The following NEGR1 variants were observed in gnomAD, a reference collection of about 807,000 sequenced individuals.
NEGR1 encodes the protein IgLON family member 4.
In NEGR1, 10 loss-of-function variants were observed where a neutral mutation model predicts 40.9. The observed-to-expected ratio is 0.24, with a 90% CI of 0.15 to 0.42. The LOEUF (loss-of-function observed/expected upper bound fraction) is 0.42. Among genes scored for constraint, NEGR1 ranks in the 10% least tolerant of loss-of-function variants. NEGR1 has a pLI of 1.00. For synonymous variants in NEGR1, 185 were observed against 166.8 expected (o/e 1.11, Z -0.84); for missense variants, 352 against 438.9 (o/e 0.80, Z 1.77).
chr1:72,016,985 G>A (rs949180309), intron 1 of NEGR1, among the ~76,000 whole-genome samples: 2 of 152,108 alleles, frequency 1.3e-5, no homozygotes. Context: ...TTATAAGAAT[G>A]ACTATAACCC....
chr1:71,526,254 T>C (rs1042803202), intron 6 of NEGR1, among the ~76,000 whole-genome samples: 18 of 151,434 alleles, frequency 1.2e-4, no homozygotes, highest in African/African-American at 4.4e-4. Flanking sequence ...ACTCTAACAA[T>C]CAGAGAATAA....
chr1:71,771,699 CA>C (rs60830449), intron 3 of NEGR1, among the ~76,000 whole-genome samples: 404 of 12,056 alleles, frequency 0.034, 1 homozygote, highest in African/African-American at 0.065. Flanking sequence ...GACTTAGTCT[CA>C]AAAAAAAAAA....
intron 1 of NEGR1, among the ~76,000 whole-genome samples, chr1:72,087,880 C>T (rs1404133729): frequency 2.6e-5 from 4 of 151,318 alleles, no homozygotes; most frequent in African/African-American, 9.7e-5. Context: ...AGGTCTGAGT[C>T]ACTGCACCCT....
Position 72,027,073 on chromosome 1 carries a change from C to T in NEGR1, c.177-91762G>A, listed in dbSNP as rs139375678. Among the ~76,000 whole-genome samples the T allele has an allele frequency of 3.6e-3, 544 of 152,170 alleles. 9 individuals carry two copies. The highest frequency in any genetic ancestry group is 0.013 in the African/African-American group (520 of 41,514). ...CCAGAGCAGGTGGGACTACAGGTGC[C>T]GGTCACCACGCCTGGCCAATGTTTT... On this transcript the variant is annotated intron_variant, in intron 1 of 6. Coordinates refer to ENST00000357731, the MANE Select transcript of NEGR1 (RefSeq NM_173808.3).
intron 6 of NEGR1, among the ~76,000 whole-genome samples, chr1:71,494,693 C>T (rs937003759): frequency 3.9e-5 from 6 of 152,174 alleles, no homozygotes; most frequent in African/African-American, 9.6e-5. Flanking sequence ...AAGTGAGGAC[C>T]GTCTTGTGGG....
At chr1:72,093,989 A>G (rs1029337202) in intron 1 of NEGR1, among the ~76,000 whole-genome samples, 1 of 152,184 alleles carries the variant, frequency 6.6e-6, no homozygotes, top group Admixed American at 6.6e-5. Flanking sequence ...TTAATGGTCA[A>G]TAATAATAAG....
At chr1:71,781,470 T>A (rs76807503) in intron 2 of NEGR1, among the ~76,000 whole-genome samples, 1 of 152,308 alleles carries the variant, frequency 6.6e-6, no homozygotes, top group Non-Finnish European at 1.5e-5. Context: ...ATCAATTAAA[T>A]GCCCCATCGA....
chr1:71,956,370 A>T (rs1305245503), intron 1 of NEGR1, among the ~76,000 whole-genome samples: 5 of 152,138 alleles, frequency 3.3e-5, no homozygotes, highest in African/African-American at 9.6e-5. Flanking sequence ...AGGAAATTTT[A>T]AAAAATCATC....
At chr1:71,413,882 T>A (rs2101266553) in intron 6 of NEGR1, among the ~76,000 whole-genome samples, 1 of 152,322 alleles carries the variant, frequency 6.6e-6, no homozygotes, top group African/African-American at 2.4e-5. Context: ...CAGTTTTCCC[T>A]TGTATTGCTC....
At chr1:72,236,096 T>C (rs781100855) in intron 1 of NEGR1, among the ~76,000 whole-genome samples, 2 of 152,248 alleles carry the variant, frequency 1.3e-5, no homozygotes, top group Admixed American at 6.6e-5. Context: ...TGGAATACTA[T>C]GCAGCCATAA....
rs552311879 is a variant in NEGR1 at position 71,771,592 on chromosome 1, C to T, written c.535+4580G>A. Reference sequence around the variant, plus strand: ...GCGCATGCCTGTAATCCCAGCTACCCGGAGGCTGAGACAGGAGAATCGTTT... The same window carrying T: ...GCGCATGCCTGTAATCCCAGCTACCTGGAGGCTGAGACAGGAGAATCGTTT... On this transcript the variant is annotated intron_variant, in intron 3 of 6. Coordinates refer to ENST00000357731, the MANE Select transcript of NEGR1 (RefSeq NM_173808.3). Among the ~76,000 whole-genome samples the T allele has an allele frequency of 1.7e-3, 246 of 145,922 alleles. 1 individual carries two copies. Among genetic ancestry groups the T allele is most frequent in the Admixed American group, 3.9e-3 (55 of 13,926 alleles).
At chr1:72,154,159 G>A (rs568320363) in intron 1 of NEGR1, among the ~76,000 whole-genome samples, 1 of 151,844 alleles carries the variant, frequency 6.6e-6, no homozygotes, top group Non-Finnish European at 1.5e-5. Flanking sequence ...TTTGGCAAGA[G>A]ATGAGCATGT....
intron 4 of NEGR1, among the ~76,000 whole-genome samples, chr1:71,634,152 T>A (rs961558667): frequency 6.6e-6 from 1 of 152,058 alleles, no homozygotes; most frequent in Non-Finnish European, 1.5e-5. Flanking sequence ...CACGTGGGAT[T>A]TTTCACACTA....
At chr1:71,991,423 G>A (rs547302739) in intron 1 of NEGR1, among the ~76,000 whole-genome samples, 130 of 152,184 alleles carry the variant, frequency 8.5e-4, no homozygotes, top group Non-Finnish European at 1.6e-3. Flanking sequence ...TTACGCTATA[G>A]AAAACACATT....
At chr1:72,266,724 A>AACACACACACAC (rs3082237) in intron 1 of NEGR1, among the ~76,000 whole-genome samples, 112 of 133,796 alleles carry the variant, frequency 8.4e-4, no homozygotes, top group African/African-American at 2.6e-3. Context: ...TAGACAGATA[A>AACACACACACAC]ACACACACAC....
chr1:71,525,293 T>G (rs1417759851), intron 6 of NEGR1, among the ~76,000 whole-genome samples: 1 of 151,682 alleles, frequency 6.6e-6, no homozygotes, highest in Non-Finnish European at 1.5e-5. Flanking sequence ...AGGAAAAAAT[T>G]TTTCCCTTCC....
intron 3 of NEGR1, among the ~76,000 whole-genome samples, chr1:71,717,122 C>T (rs1365188314): frequency 2.0e-5 from 3 of 152,130 alleles, no homozygotes; most frequent in Non-Finnish European, 4.4e-5. Context: ...TGAACAGAAC[C>T]ATATGTCATT....
intron 2 of NEGR1, among the ~76,000 whole-genome samples, chr1:71,876,196 A>G (rs1399105037): frequency 2.6e-5 from 4 of 152,142 alleles, no homozygotes; most frequent in African/African-American, 9.7e-5. Context: ...TTTCTTCGGA[A>G]AAGTCCAGTA....
chr1:72,149,298 T>C lies in NEGR1; in HGVS notation c.176+133021A>G, dbSNP rs536190178. On this transcript the variant is annotated intron_variant, in intron 1 of 6. Coordinates refer to ENST00000357731, the MANE Select transcript of NEGR1 (RefSeq NM_173808.3). Reference sequence around the variant, plus strand: ...GAACAGTCCCCATGATTCAACTACCTCCCCCTGGGTCCCTCCCACTACATG... The same window carrying C: ...GAACAGTCCCCATGATTCAACTACCCCCCCCTGGGTCCCTCCCACTACATG... Among the ~76,000 whole-genome samples, 16 of 152,004 alleles carry C rather than the reference T, an allele frequency of 1.1e-4. 1 individual carries two copies. In the East Asian group the frequency reaches 3.1e-3, roughly 29 times the overall value.
Sources: gnomAD v4.1 joint callset for allele counts (sites outside exome capture counted in the v4.1 genomes callset) on GRCh38, gnomAD v4.1.1 for gene constraint, MANE v1.5 for transcripts, NCBI Gene and HGNC (gene_info 2026-07-23, HGNC 2026-07-21) for gene names.